Variants in ACER1 observed in about 807,000 individuals in gnomAD.
The protein encoded by ACER1 is CTB-180A7.3.
ACER1 carries 28 observed loss-of-function variants against 24.9 expected under a neutral mutation model. The observed-to-expected ratio is 1.13, with a 90% CI of 0.83 to 1.54. The LOEUF is 1.54. ACER1 is among the 40% of genes most tolerant of loss of function. The pLI is 0.00. For synonymous variants in ACER1, 132 were observed against 131.4 expected (o/e 1.00, Z -0.03); for missense variants, 352 against 349.3 (o/e 1.01, Z -0.06).
chr19:6,342,799 C>T, the ACER1 span, among the ~76,000 whole-genome samples: 4 of 151,746 alleles, frequency 2.6e-5, no homozygotes, highest in East Asian at 1.9e-4. Context: ...TGTTTTGAGA[C>T]GGAGTTTTGC....
chr19:6,335,706 C>T (rs1261448358), upstream of ACER1, among the ~76,000 whole-genome samples: 1 of 151,580 alleles, frequency 6.6e-6, no homozygotes, highest in Non-Finnish European at 1.5e-5. Flanking sequence ...TGGTGGGTGC[C>T]CATAGTCCCA....
chr19:6,355,766 ACCC>A, the ACER1 span, among the ~76,000 whole-genome samples: 4 of 99,050 alleles, frequency 4.0e-5, no homozygotes, highest in African/African-American at 1.8e-4. Flanking sequence ...TCAGCCCCCC[ACCC>A]GGCCAGCCGC....
the ACER1 span, among the ~76,000 whole-genome samples, chr19:6,355,909 C>A: frequency 2.5e-4 from 37 of 148,598 alleles, no homozygotes; most frequent in African/African-American, 8.6e-4. Flanking sequence ...CGCCTCTGCC[C>A]GGCCACCCCT....
intron 1 of ACER1, among the ~76,000 whole-genome samples, chr19:6,323,521 G>A (rs1371239518): frequency 2.0e-5 from 3 of 151,990 alleles, no homozygotes; most frequent in African/African-American, 7.2e-5. Context: ...GCTCCTCCTT[G>A]CCTTCCACCA....
the ACER1 span, among the ~76,000 whole-genome samples, chr19:6,351,763 T>A: frequency 6.9e-6 from 1 of 145,140 alleles, no homozygotes; most frequent in South Asian, 2.2e-4. Context: ...AATTTTAAAA[T>A]TTAAACCCTT....
chr19:6,333,880 G>A (rs1600246554), upstream of ACER1, among the ~76,000 whole-genome samples: 1 of 152,240 alleles, frequency 6.6e-6, no homozygotes, highest in East Asian at 1.9e-4. Flanking sequence ...TTTTATGTAT[G>A]TATGTATTTA....
the ACER1 span, among the ~76,000 whole-genome samples, chr19:6,358,799 G>A: frequency 6.7e-6 from 1 of 149,138 alleles, no homozygotes; most frequent in Non-Finnish European, 1.5e-5. Flanking sequence ...TGGGCGTGGT[G>A]GTGGGCGCCT....
chr19:6,354,967 C>T, the ACER1 span, among the ~76,000 whole-genome samples: 3 of 152,264 alleles, frequency 2.0e-5, no homozygotes, highest in South Asian at 2.1e-4. Flanking sequence ...TGATTGCAGG[C>T]GCGCGCCACC....
chr19:6,338,012 G>A (rs192750437), upstream of ACER1, among the ~76,000 whole-genome samples: 1 of 151,648 alleles, frequency 6.6e-6, no homozygotes, highest in East Asian at 1.9e-4. Flanking sequence ...TTTTGGCCCA[G>A]TGCAGTGGCT....
chr19:6,338,919 C>T, the ACER1 span, among the ~76,000 whole-genome samples: 7 of 147,228 alleles, frequency 4.8e-5, no homozygotes, highest in South Asian at 4.3e-4. Flanking sequence ...TTCCTGTCAT[C>T]CAGGCTAGAG....
intron 1 of ACER1, among the ~76,000 whole-genome samples, chr19:6,324,865 A>AAGGAAGGG (rs1568312218): frequency 1.3e-5 from 1 of 79,628 alleles, no homozygotes; most frequent in Non-Finnish European, 2.2e-5. Flanking sequence ...GAGAGAAAGG[A>AAGGAAGGG]AGGAAGGAAG....
chr19:6,356,468 T>TTAAAAAAA, the ACER1 span, among the ~76,000 whole-genome samples: 4 of 147,296 alleles, frequency 2.7e-5, no homozygotes, highest in African/African-American at 1.0e-4. Flanking sequence ...GAATGATCAA[T>TTAAAAAAA]AAAAAAATAA....
At chr19:6,345,976 C>T in the ACER1 span, among the ~76,000 whole-genome samples, 1 of 151,972 alleles carries the variant, frequency 6.6e-6, no homozygotes, top group Non-Finnish European at 1.5e-5. Flanking sequence ...GATCCTCCCA[C>T]CTCAGCCTCC....
At chr19:6,347,098 C>CAAAAAAAA in the ACER1 span, among the ~76,000 whole-genome samples, 51 of 81,968 alleles carry the variant, frequency 6.2e-4, no homozygotes, top group East Asian at 4.3e-3. Flanking sequence ...CCTGTCTCTA[C>CAAAAAAAA]AAAAAAAAAA....
chr19:6,322,554 CG>C (rs2091636209), intron 1 of ACER1, among the ~76,000 whole-genome samples: 1 of 152,084 alleles, frequency 6.6e-6, no homozygotes, highest in African/African-American at 2.4e-5. Context: ...GCTGACTCCT[CG>C]GGTGTTTTCT....
At chr19:6,308,832 G>C (rs751387836) in intron 4 of ACER1, among the ~76,000 whole-genome samples, 1 of 152,178 alleles carries the variant, frequency 6.6e-6, no homozygotes, top group Non-Finnish European at 1.5e-5. Flanking sequence ...TGTTGTGGCT[G>C]GTTAGTGGGC....
chr19:6,321,305 A>G (rs2091629606), intron 1 of ACER1, among the ~76,000 whole-genome samples: 1 of 151,400 alleles, frequency 6.6e-6, no homozygotes, highest in South Asian at 2.1e-4. Flanking sequence ...TTGTCTATTT[A>G]TTTATTTGTA....
chr19:6,334,343 C>T (rs112997654), upstream of ACER1, among the ~76,000 whole-genome samples: 946 of 151,246 alleles, frequency 6.3e-3, 6 homozygotes, highest in Non-Finnish European at 9.0e-3. Flanking sequence ...CCACCGTGCC[C>T]GGCCTTTTTT....
In ACER1 at chr19:6,309,727, A is replaced by G. The variant is rs777038449; in HGVS notation, c.458T>C (p.Ile153Thr). Reference protein sequence around the residue: ...AYALNSIALHILYIVCQEYRK... With the variant: ...AYALNSIALHTLYIVCQEYRK... ...GTACTCCTGGCACACGATGTAGAGA[A>G]TGTGCAGGGCAATGCTGTTGAGGGC... Residue 153 changes from isoleucine (I) to threonine (T), a missense_variant, in exon 4 of 6, where the codon ATT (isoleucine) becomes ACT (threonine). Coordinates refer to ENST00000301452, the MANE Select transcript of ACER1 (RefSeq NM_133492.3). The G allele has an allele frequency of 3.7e-6, 6 of 1,613,968 alleles. No homozygotes were observed. Among genetic ancestry groups the G allele is most frequent in the South Asian group, 3.3e-5 (3 of 91,070 alleles).
Sources: gnomAD v4.1 joint callset for allele counts (sites outside exome capture counted in the v4.1 genomes callset) on GRCh38, gnomAD v4.1.1 for gene constraint, MANE v1.5 for transcripts, NCBI Gene and HGNC (gene_info 2026-07-23, HGNC 2026-07-21) for gene names.